The following PRELID2 variants were observed in gnomAD, a reference collection of about 807,000 sequenced individuals.
The protein encoded by PRELID2 is PRELI domain-containing protein 2.
A neutral mutation model predicts 28.4 loss-of-function variants in PRELID2; 25 were observed. The observed-to-expected ratio is 0.88, with a 90% confidence interval of 0.64 to 1.23. PRELID2 has a LOEUF of 1.23. Ranked by LOEUF, PRELID2 falls within the 50% of genes most tolerant of loss-of-function variation. PRELID2 has a pLI of 0.00. For missense variants in PRELID2, 201 were observed against 214.4 expected (o/e 0.94, Z 0.39); for synonymous variants, 76 against 71.6 (o/e 1.06, Z -0.31).
the PRELID2 span, among the ~76,000 whole-genome samples, chr5:145,307,450 C>A: frequency 6.6e-6 from 1 of 152,096 alleles, no homozygotes; most frequent in African/African-American, 2.4e-5. Flanking sequence ...TTACTCAGTG[C>A]AAAATTAAGA....
chr5:145,685,922 C>T (rs779325517), intron 1 of PRELID2, among the ~76,000 whole-genome samples: 26 of 152,244 alleles, frequency 1.7e-4, no homozygotes, highest in Admixed American at 1.6e-3. Context: ...GAGGAAGGAT[C>T]CAAAAAAGCT....
chr5:145,383,417 A>G, the PRELID2 span, among the ~76,000 whole-genome samples: 1 of 151,126 alleles, frequency 6.6e-6, no homozygotes, highest in South Asian at 2.1e-4. Flanking sequence ...TACAAATGAG[A>G]AAGCTGAAAT....
chr5:145,599,290 T>C lies in PRELID2; in HGVS notation n.71-125975A>G, dbSNP rs1343864281. Among the ~76,000 whole-genome samples, 3 of 152,240 alleles carry C rather than the reference T, an allele frequency of 2.0e-5. No homozygotes were observed. In the East Asian group the frequency reaches 5.8e-4, roughly 29 times the overall value. On this transcript the variant is annotated intron_variant and non_coding_transcript_variant, in intron 1 of 2. Coordinates refer to the PRELID2 transcript ENST00000510259. ...AAGTCTAGAAAGACAGAGTAACTTG[T>C]TATACTCTTACACTTCCAAAGAATT... is the stretch of plus-strand genomic sequence containing the variant.
intron 1 of PRELID2, among the ~76,000 whole-genome samples, chr5:145,605,575 G>C (rs937858228): frequency 4.6e-5 from 7 of 152,080 alleles, no homozygotes; most frequent in Non-Finnish European, 1.0e-4. Context: ...GGTTTCTGTA[G>C]GCTTGTAGTT....
chr5:145,556,866 G>C (rs1752884003), intron 1 of PRELID2, among the ~76,000 whole-genome samples: 1 of 152,070 alleles, frequency 6.6e-6, no homozygotes, highest in African/African-American at 2.4e-5. Flanking sequence ...TATATGCCTA[G>C]GTAACTCCTC....
the PRELID2 span, among the ~76,000 whole-genome samples, chr5:145,245,845 T>A: frequency 2.0e-4 from 30 of 152,186 alleles, no homozygotes; most frequent in African/African-American, 7.2e-4. Flanking sequence ...GGATGATTCT[T>A]CCTCTCACTA....
chr5:145,515,821 C>T (rs1752510813), intron 1 of PRELID2, among the ~76,000 whole-genome samples: 1 of 152,168 alleles, frequency 6.6e-6, no homozygotes, highest in African/African-American at 2.4e-5. Context: ...CCCTGGGACG[C>T]AAGCCTGGTT....
chr5:145,276,218 G>A, the PRELID2 span, among the ~76,000 whole-genome samples: 6 of 152,214 alleles, frequency 3.9e-5, no homozygotes, highest in African/African-American at 1.4e-4. Context: ...AGCAATTGAT[G>A]GAAGCACATT....
intron 1 of PRELID2, among the ~76,000 whole-genome samples, chr5:145,630,792 C>A (rs1447773405): frequency 6.6e-6 from 1 of 152,160 alleles, no homozygotes; most frequent in African/African-American, 2.4e-5. Context: ...CTACTGCTCA[C>A]CTTTTAGGTC....
intron 1 of PRELID2, among the ~76,000 whole-genome samples, chr5:145,586,902 T>G (rs1301869799): frequency 6.6e-6 from 1 of 152,138 alleles, no homozygotes; most frequent in Non-Finnish European, 1.5e-5. Context: ...CAACAATTCT[T>G]GTTATCCCTA....
intron 1 of PRELID2, among the ~76,000 whole-genome samples, chr5:145,736,962 G>A (rs566391430): frequency 1.3e-4 from 20 of 152,006 alleles, no homozygotes; most frequent in South Asian, 2.1e-4. Flanking sequence ...CAGAGCTCAG[G>A]AGAAGACCTC....
rs771196260 is a variant in PRELID2, at chr5:145,765,021, A to AC, written c.475-22_475-21insG. 1.2e-5 allele frequency: 18 copies of AC among 1,537,544 alleles called. No homozygotes were observed. The South Asian group carries it at 2.0e-4, about 17-fold the overall frequency. On this transcript the variant is annotated intron_variant, in intron 5 of 6. Transcript: ENST00000683046. ...ATTCCCTATAGAAAGAAGGAAAAAA[A>AC]ATTAAAATGCCCTATTTCACAGACA...
chr5:145,244,355 C>G, the PRELID2 span, among the ~76,000 whole-genome samples: 1 of 152,052 alleles, frequency 6.6e-6, no homozygotes, highest in African/African-American at 2.4e-5. Flanking sequence ...CACTTGTACT[C>G]CCTGTCTGCT....
intron 1 of PRELID2, among the ~76,000 whole-genome samples, chr5:145,826,721 A>C (rs1054261143): frequency 3.3e-5 from 5 of 152,092 alleles, no homozygotes; most frequent in African/African-American, 9.7e-5. Context: ...ATTGGGGGGG[A>C]ATATGCATTA....
At chr5:145,356,517 C>G in the PRELID2 span, among the ~76,000 whole-genome samples, 1 of 151,220 alleles carries the variant, frequency 6.6e-6, no homozygotes, top group African/African-American at 2.4e-5. Flanking sequence ...CTTTTTTATT[C>G]TGTAATACCT....
chr5:145,292,896 A>AT, the PRELID2 span, among the ~76,000 whole-genome samples: 39 of 151,412 alleles, frequency 2.6e-4, no homozygotes, highest in African/African-American at 9.2e-4. Flanking sequence ...TTTTATTATT[A>AT]TTTTTTTTGA....
intron 1 of PRELID2, among the ~76,000 whole-genome samples, chr5:145,575,997 G>C (rs1753057400): frequency 6.6e-6 from 1 of 152,088 alleles, no homozygotes; most frequent in Non-Finnish European, 1.5e-5. Context: ...TGCCCATCTT[G>C]AAAATCTCCT....
At chr5:145,600,420 GAAAA>G (rs35455268) in intron 1 of PRELID2, among the ~76,000 whole-genome samples, 6 of 124,158 alleles carry the variant, frequency 4.8e-5, no homozygotes, top group African/African-American at 7.3e-5. Flanking sequence ...CTCAGGGGGG[GAAAA>G]AAAAAAAAAA....
chr5:145,392,165 T>C, the PRELID2 span, among the ~76,000 whole-genome samples: 1 of 152,176 alleles, frequency 6.6e-6, no homozygotes, highest in African/African-American at 2.4e-5. Flanking sequence ...ATTCTCACGC[T>C]GCCAATAAAG....
Sources: gnomAD v4.1 joint callset for allele counts (sites outside exome capture counted in the v4.1 genomes callset) on GRCh38, gnomAD v4.1.1 for gene constraint, MANE v1.5 for transcripts, NCBI Gene and HGNC (gene_info 2026-07-23, HGNC 2026-07-21) for gene names.